Variants in TCFL5 observed in about 807,000 individuals in gnomAD.
The protein encoded by TCFL5 is transcription factor-like 5 protein.
TCFL5 carries 9 observed loss-of-function variants against 44.3 expected under a neutral mutation model. The observed-to-expected ratio is 0.20, with a 90% confidence interval of 0.12 to 0.35. The LOEUF (loss-of-function observed/expected upper bound fraction) is 0.35, where lower values mean the gene tolerates loss of function less well. TCFL5 is among the 10% of genes least tolerant of loss of function. The pLI is 1.00. For synonymous variants in TCFL5, 319 were observed against 271.6 expected, an observed-to-expected ratio of 1.17 and a Z score of -1.72; for missense variants, 603 against 613.4, an observed-to-expected ratio of 0.98 and a Z score of 0.18.
intron 5 of TCFL5, among the ~76,000 whole-genome samples, chr20:62,843,558 C>T (rs964397152): frequency 6.6e-6 from 1 of 152,112 alleles, no homozygotes. Flanking sequence ...TAAAACATAG[C>T]ATTCTACACG....
At position 62,849,544 on chromosome 20, in the gene TCFL5, A is replaced by G. The variant is rs117242236; in HGVS notation, c.1380+4472T>C. On this transcript the variant is annotated intron_variant, in intron 5 of 5. Transcript: ENST00000335351. The stretch of plus-strand genomic sequence containing the variant: ...TCCATGGCTGGGTGCTGGACTGTGG[A>G]AAAAAACAGCTATGAAAGTCATTTT... Among the ~76,000 whole-genome samples, 942 of 152,094 alleles carry G rather than the reference A, an allele frequency of 6.2e-3. 5 individuals carry two copies. The highest frequency in any genetic ancestry group is 8.7e-3 in the South Asian group (42 of 4,814).
Position 62,859,492 on chromosome 20 carries a change from G to A in TCFL5, c.866C>T (p.Ala289Val), listed in dbSNP as rs769279748. 9 of 1,613,172 alleles carry A rather than the reference G, an allele frequency of 5.6e-6. No homozygotes were observed. The East Asian group carries it at 2.0e-4, about 36-fold the overall frequency. Residue 289 changes from alanine to valine, a missense_variant, in exon 3 of 6, where the codon GCC becomes GTC. By Grantham distance (64) the Ala-to-Val change is moderately conservative. Transcript: ENST00000335351. ...SSNSCSVLEA[A>V]KHQDIGLPRA... Reference sequence around the variant, plus strand: ...AGGCAATCCAATATCCTGGTGCTTGGCAGCTTCAAGTACAGAACATGAGTT... The same window carrying A: ...AGGCAATCCAATATCCTGGTGCTTGACAGCTTCAAGTACAGAACATGAGTT...
intron 5 of TCFL5, chr20:62,852,203 AGC>A (rs2063818721): frequency 1.0e-6 from 1 of 985,464 alleles, no homozygotes; most frequent in Non-Finnish European, 1.2e-6. Context: ...ATTCCCCAAC[AGC>A]TTGGACCAGG....
intron 2 of TCFL5, among the ~76,000 whole-genome samples, chr20:62,859,755 C>T (rs1032410409): frequency 6.6e-5 from 10 of 151,136 alleles, no homozygotes; most frequent in South Asian, 2.1e-4. Context: ...GGCTCTCACT[C>T]TGTCGCCCAG....
intron 5 of TCFL5, among the ~76,000 whole-genome samples, chr20:62,844,570 T>A (rs1044676774): frequency 7.2e-6 from 1 of 139,698 alleles, no homozygotes; most frequent in South Asian, 2.1e-4. Flanking sequence ...TGTTTTTTTT[T>A]GTTTGTTTTT....
chr20:62,848,341 T>C (rs1331397029), intron 5 of TCFL5, among the ~76,000 whole-genome samples: 5 of 152,178 alleles, frequency 3.3e-5, no homozygotes, highest in Non-Finnish European at 7.3e-5. Context: ...CCATCCCGAC[T>C]GGGGAAAAAG....
At chr20:62,845,464 GA>G in intron 5 of TCFL5, 1 of 1,355,812 alleles carries the variant, frequency 7.4e-7, no homozygotes, top group South Asian at 1.6e-5. Context: ...AATTTAAAAT[GA>G]CCCCACATTT....
At chr20:62,851,850 C>G (rs1357950085) in intron 5 of TCFL5, 3 of 983,000 alleles carry the variant, frequency 3.1e-6, no homozygotes, top group Admixed American at 1.2e-4. Context: ...CGCTCTGTCA[C>G]CCAGGCTGCA....
intron 5 of TCFL5, among the ~76,000 whole-genome samples, chr20:62,850,781 ACTC>A (rs1271443614): frequency 6.6e-6 from 1 of 151,944 alleles, no homozygotes; most frequent in Non-Finnish European, 1.5e-5. Flanking sequence ...GCAGGCAGGC[ACTC>A]CTCAGACTCT....
intron 3 of TCFL5, among the ~76,000 whole-genome samples, chr20:62,858,631 C>T (rs529456708): frequency 5.9e-5 from 9 of 151,496 alleles, no homozygotes; most frequent in Non-Finnish European, 1.5e-5. Context: ...GAGGAAGGGG[C>T]TACGCAGGTG....
intron 1 of TCFL5, 63 bp from the exon 2 acceptor site, chr20:62,860,371 C>A: frequency 6.7e-7 from 1 of 1,487,198 alleles, no homozygotes; most frequent in Non-Finnish European, 9.2e-7. Flanking sequence ...ATCCACCATC[C>A]CACTCCCATG....
intron 5 of TCFL5, chr20:62,845,310 C>G (rs867063599): frequency 1.2e-6 from 1 of 866,124 alleles, no homozygotes; most frequent in Non-Finnish European, 1.4e-6. Context: ...TTAGTAGAGA[C>G]GGGGGTCACA....
At chr20:62,854,859 A>T (rs1189188302) in intron 4 of TCFL5, among the ~76,000 whole-genome samples, 2 of 152,174 alleles carry the variant, frequency 1.3e-5, no homozygotes, top group Non-Finnish European at 2.9e-5. Flanking sequence ...TTAATTAGAG[A>T]CTTTGCCAGT....
At chr20:62,857,923 T>C (rs886879402) in intron 3 of TCFL5, among the ~76,000 whole-genome samples, 1 of 152,134 alleles carries the variant, frequency 6.6e-6, no homozygotes. Context: ...CCCCTCTTTT[T>C]AATTAACAGG....
intron 5 of TCFL5, 149 bp downstream of exon 5, chr20:62,853,867 A>G: frequency 6.3e-6 from 5 of 794,696 alleles, no homozygotes; most frequent in Non-Finnish European, 9.9e-6. Context: ...TTATATCATT[A>G]AAGAGCAGAG....
chr20:62,857,705 T>G, intron 3 of TCFL5, 67 bp from the exon 4 acceptor site: 1 of 1,550,882 alleles, frequency 6.4e-7, no homozygotes, highest in Non-Finnish European at 8.7e-7. Flanking sequence ...CTGAATACAG[T>G]TTTGGCCTTT....
At chr20:62,857,786 A>G in intron 3 of TCFL5, 148 bp from the exon 4 acceptor site, 3 of 963,424 alleles carry the variant, frequency 3.1e-6, no homozygotes, top group South Asian at 1.7e-5. Flanking sequence ...GTACTAATGC[A>G]GTTTTTCAGC....
At chr20:62,845,096 CATATAA>C (rs962067216) in intron 5 of TCFL5, 136 of 987,746 alleles carry the variant, frequency 1.4e-4, no homozygotes, top group Non-Finnish European at 1.5e-4. Flanking sequence ...TCTACACCTG[CATATAA>C]ATATACTCAT....
At chr20:62,852,450 T>A in intron 5 of TCFL5, 2 of 980,554 alleles carry the variant, frequency 2.0e-6, no homozygotes, top group Non-Finnish European at 2.4e-6. Flanking sequence ...GACACCTTCT[T>A]CCTTTTAGGC....
Sources: gnomAD v4.1 joint callset for allele counts (sites outside exome capture counted in the v4.1 genomes callset) on GRCh38, gnomAD v4.1.1 for gene constraint, MANE v1.5 for transcripts, NCBI Gene and HGNC (gene_info 2026-07-23, HGNC 2026-07-21) for gene names.